Variants in CHD2 observed in about 807,000 individuals in gnomAD.
The protein encoded by CHD2 is chromodomain helicase DNA binding protein 2, also known as ATP-dependent chromatin remodeler CHD2.
A neutral mutation model predicts 243.9 loss-of-function variants in CHD2; 28 were observed. That is an observed-to-expected ratio of 0.11 (90% CI 0.09 to 0.16). The LOEUF is 0.16. Ranked by LOEUF, CHD2 falls within the 10% of genes least tolerant of loss-of-function variation. The pLI is 1.00. For synonymous variants in CHD2, 775 were observed against 779.0 expected (o/e 0.99, Z 0.09); for missense variants, 1,386 against 2,209.8 (o/e 0.63, Z 7.47).
chr15:92,975,093 T>A, intron 20 of CHD2, 143 bp downstream of exon 20: 1 of 642,216 alleles, frequency 1.6e-6, no homozygotes, highest in Non-Finnish European at 2.7e-6. Flanking sequence ...ATCTCTCATA[T>A]AAAAGATGGT....
chr15:93,012,488 T>C, intron 36 of CHD2, 44 bp downstream of exon 36: 2 of 1,337,778 alleles, frequency 1.5e-6, no homozygotes, highest in Non-Finnish European at 1.0e-6. Context: ...CAAATACCAA[T>C]TCCACAGAAA....
intron 2 of CHD2, among the ~76,000 whole-genome samples, chr15:92,923,227 G>T (rs536410954): frequency 6.6e-6 from 1 of 152,244 alleles, no homozygotes; most frequent in African/African-American, 2.4e-5. Flanking sequence ...CAACCAGTTT[G>T]CATTCTTCCT....
intron 5 of CHD2, among the ~76,000 whole-genome samples, chr15:92,935,650 T>G (rs1358896749): frequency 6.6e-6 from 1 of 152,252 alleles, no homozygotes; most frequent in Non-Finnish European, 1.5e-5. Flanking sequence ...TGTTGTGGAC[T>G]TGGTCTGAGG....
chr15:92,911,491 A>C (rs551458599), intron 2 of CHD2, among the ~76,000 whole-genome samples: 54 of 152,302 alleles, frequency 3.5e-4, no homozygotes, highest in African/African-American at 1.3e-3. Context: ...TAATCCCAGC[A>C]CTTTCGGAGG....
intron 5 of CHD2, among the ~76,000 whole-genome samples, chr15:92,933,448 A>T (rs1015884401): frequency 6.6e-5 from 10 of 152,182 alleles, no homozygotes; most frequent in African/African-American, 2.4e-5. Flanking sequence ...GTAATCTCTG[A>T]CTTAGAGTCA....
intron 12 of CHD2, among the ~76,000 whole-genome samples, chr15:92,947,994 G>A (rs1345743294): frequency 6.6e-6 from 1 of 152,154 alleles, no homozygotes; most frequent in Non-Finnish European, 1.5e-5. Context: ...TCACGCTATG[G>A]ACACACATTT....
At chr15:93,006,539 A>G (rs1261012916) in intron 34 of CHD2, among the ~76,000 whole-genome samples, 2 of 152,224 alleles carry the variant, frequency 1.3e-5, no homozygotes, top group Non-Finnish European at 2.9e-5. Flanking sequence ...AATAGCTCAC[A>G]TTAATAGCCA....
Position 92,997,520 on chromosome 15 carries a change from A to G in CHD2, c.3885+117A>G, listed in dbSNP as rs1290300252. On this transcript the variant is annotated intron_variant, in intron 30 of 38. Transcript: ENST00000394196. The surrounding 1 kb of genome is among the most constrained non-coding windows in gnomAD (Gnocchi z 4.1). ...CATCAAATTAGAAATTAGTATAGTC[A>G]TTCTTGGAAATACTTCCATCTTTAG... 2.6e-5 allele frequency: 23 copies of G among 877,400 alleles called. No individual in the cohort carries two copies. The highest frequency in any genetic ancestry group is 3.8e-5 in the Non-Finnish European group (23 of 612,954). The allele number at this position is 877,400 out of a possible 1,614,324, so 54.4% of individuals were successfully genotyped here. A position where few individuals can be genotyped will look rare whatever the true frequency, so the allele number is the denominator to read the frequency against.
intron 24 of CHD2, among the ~76,000 whole-genome samples, chr15:92,983,898 T>C (rs923075654): frequency 6.6e-6 from 1 of 152,188 alleles, no homozygotes; most frequent in African/African-American, 2.4e-5. Flanking sequence ...TGATAATGAG[T>C]GCTTTGAGTT....
In CHD2 at chr15:92,991,543, T is replaced by C. The variant is rs1348817773; in HGVS notation, c.3455+26T>C. The C allele has an allele frequency of 3.8e-6, 6 of 1,563,184 alleles. No homozygotes were observed. In the South Asian group the frequency reaches 7.1e-5, roughly 19 times the overall value. On this transcript the variant is annotated intron_variant, in intron 27 of 38. Transcript: ENST00000394196. ...GTAAGTTCAGTGTAATAGTCCCTTA[T>C]CTTCCTCTTTTTTGCTTTTATTATA... is the stretch of plus-strand genomic sequence containing the variant.
intron 12 of CHD2, among the ~76,000 whole-genome samples, chr15:92,948,396 A>G (rs1408812346): frequency 2.0e-5 from 3 of 152,208 alleles, no homozygotes; most frequent in African/African-American, 4.8e-5. Context: ...CTAAAGTGCT[A>G]TTTAATGATG....
At chr15:92,961,876 CTTTTTTTTT>C (rs3064790) in intron 16 of CHD2, among the ~76,000 whole-genome samples, 29,340 of 79,810 alleles carry the variant, frequency 0.37, 3,934 homozygotes, top group Middle Eastern at 0.52. Context: ...TTTTTCTTCT[CTTTTTTTTT>C]TTTTTTTTTT....
At chr15:92,943,748 G>T (rs544000511) in intron 9 of CHD2, 10 of 153,072 alleles carry the variant, frequency 6.5e-5, no homozygotes, top group Admixed American at 5.8e-4. Context: ...TGTCTGTGTG[G>T]TGTGATTAGC....
intron 12 of CHD2, 88 bp downstream of exon 12, chr15:92,946,304 A>T: frequency 9.5e-7 from 1 of 1,052,088 alleles, no homozygotes; most frequent in Non-Finnish European, 1.3e-6. Flanking sequence ...AAATATTACA[A>T]AATGAAATGA....
Position 92,993,018 on chromosome 15 carries a change from G to A in CHD2, c.3595+20G>A. On this transcript the variant is annotated intron_variant, in intron 28 of 38. Coordinates refer to ENST00000394196, the MANE Select transcript of CHD2 (RefSeq NM_001271.4). ...GCGAGGGTAAGCGAAGTTGGCTTTA[G>A]TGAGTCTTCGCAACCTGGCACTCTT... 4 of 1,612,260 alleles carry A rather than the reference G, an allele frequency of 2.5e-6. No homozygotes were observed. The South Asian group carries it at 4.4e-5, about 18-fold the overall frequency.
intron 14 of CHD2, 70 bp downstream of exon 14, chr15:92,953,643 T>G: frequency 7.0e-7 from 1 of 1,424,014 alleles, no homozygotes; most frequent in Non-Finnish European, 9.9e-7. Context: ...CTTAAAGCCT[T>G]CAGTAGATCA....
chr15:92,945,704 T>C, intron 10 of CHD2, 117 bp from the exon 11 acceptor site: 1 of 609,034 alleles, frequency 1.6e-6, no homozygotes, highest in South Asian at 3.1e-5. Context: ...CCATTTTTTT[T>C]TTTTCTTTTT....
At chr15:93,016,656 G>T (rs2054464488) in intron 37 of CHD2, among the ~76,000 whole-genome samples, 1 of 151,586 alleles carries the variant, frequency 6.6e-6, no homozygotes, top group African/African-American at 2.4e-5. Flanking sequence ...GCGTAGTGGC[G>T]TAGTAGTCCC....
At chr15:92,924,650 G>A in intron 3 of CHD2, 98 bp downstream of exon 3, 1 of 998,086 alleles carries the variant, frequency 1.0e-6, no homozygotes, top group South Asian at 1.3e-5. Flanking sequence ...TCTTGATGAT[G>A]AAACCTACAG....
Sources: gnomAD v4.1 joint callset for allele counts (sites outside exome capture counted in the v4.1 genomes callset) on GRCh38, gnomAD v4.1.1 for gene constraint, Gnocchi (gnomAD v3.1) non-coding constraint, MANE v1.5 for transcripts, NCBI Gene and HGNC (gene_info 2026-07-23, HGNC 2026-07-21) for gene names.